The following GPHN variants were observed in gnomAD, a reference collection of about 807,000 sequenced individuals.
GPHN encodes the protein gephyrin.
In GPHN, 17 loss-of-function variants were observed where a neutral mutation model predicts 95.5. The observed-to-expected ratio is 0.18, with a 90% CI of 0.12 to 0.27. GPHN has a LOEUF of 0.27. GPHN is among the 10% of genes least tolerant of loss of function. The probability of loss-of-function intolerance (pLI) is 1.00; values close to 1 mark genes in which losing one functional copy is unlikely to be tolerated. For missense variants in GPHN, 660 were observed against 978.1 expected, an observed-to-expected ratio of 0.67 and a Z score of 4.34; for synonymous variants, 320 against 322.5, an observed-to-expected ratio of 0.99 and a Z score of 0.08.
At chr14:67,259,324 G>A in the GPHN span, among the ~76,000 whole-genome samples, 3 of 151,904 alleles carry the variant, frequency 2.0e-5, no homozygotes, top group Admixed American at 2.0e-4. Flanking sequence ...AAGTGAGTAA[G>A]GCCAGGCTGG....
At chr14:67,186,831 A>G in the GPHN span, among the ~76,000 whole-genome samples, 2 of 152,234 alleles carry the variant, frequency 1.3e-5, no homozygotes, top group African/African-American at 4.8e-5. Flanking sequence ...GCAGAGCTCC[A>G]GCAATTCAAT....
chr14:67,382,918 T>TGC, the GPHN span, among the ~76,000 whole-genome samples: 1 of 151,868 alleles, frequency 6.6e-6, no homozygotes, highest in African/African-American at 2.4e-5. Context: ...CGTGTGTGTG[T>TGC]GTGTGTGTGT....
chr14:67,066,610 G>C (rs952065992), intron 11 of GPHN, among the ~76,000 whole-genome samples: 54 of 152,044 alleles, frequency 3.6e-4, no homozygotes, highest in Non-Finnish European at 2.8e-4. Flanking sequence ...CATATTTCTT[G>C]GAGGCTTTGT....
intron 17 of GPHN, among the ~76,000 whole-genome samples, chr14:67,125,246 G>T (rs2079230732): frequency 6.6e-6 from 1 of 152,144 alleles, no homozygotes; most frequent in Non-Finnish European, 1.5e-5. Context: ...ATTTATAATT[G>T]TTCTAATGGA....
At chr14:66,509,382 C>G (rs1262100753) in intron 1 of GPHN, 3 of 152,342 alleles carry the variant, frequency 2.0e-5, no homozygotes, top group Non-Finnish European at 2.9e-5. Context: ...ACCCCCACCC[C>G]GGTAGAGCGT....
chr14:67,344,773 T>C, the GPHN span, among the ~76,000 whole-genome samples: 1 of 151,682 alleles, frequency 6.6e-6, no homozygotes, highest in African/African-American at 2.4e-5. Context: ...TCCAAGCTAC[T>C]TGGGAGGCTG....
chr14:67,139,586 G>A (rs992045623), intron 17 of GPHN, among the ~76,000 whole-genome samples: 10 of 152,166 alleles, frequency 6.6e-5, no homozygotes, highest in African/African-American at 2.2e-4. Context: ...TCTACACTTT[G>A]CCTCTCTGAA....
rs370320439 is a variant in GPHN, at chr14:67,121,736, A to C, written c.1627-520A>C. Among the ~76,000 whole-genome samples the C allele has an allele frequency of 4.6e-5, 7 of 152,326 alleles. No individual in the cohort carries two copies. In the East Asian group the frequency reaches 9.6e-4, roughly 21 times the overall value. On this transcript the variant is annotated intron_variant, in intron 16 of 22. Transcript: ENST00000478722. ...TATTACTTAAGTTTGCTAGTATCAGAGACAAAACATCTGTCTTCCTCTCCT... is the reference window on the plus strand; with the variant it reads ...TATTACTTAAGTTTGCTAGTATCAGCGACAAAACATCTGTCTTCCTCTCCT...
the GPHN span, among the ~76,000 whole-genome samples, chr14:67,582,570 G>C: frequency 2.0e-5 from 3 of 152,146 alleles, no homozygotes; most frequent in African/African-American, 7.2e-5. The surrounding 1 kb of genome is among the most constrained non-coding windows in gnomAD (Gnocchi z 5.0). Flanking sequence ...TGTAATGTCA[G>C]CACTTTGCGA....
At chr14:66,742,873 T>TG (rs1466904725) in intron 2 of GPHN, among the ~76,000 whole-genome samples, 1 of 152,220 alleles carries the variant, frequency 6.6e-6, no homozygotes, top group Non-Finnish European at 1.5e-5. Flanking sequence ...GCCATTCTCC[T>TG]GCCTCAGCCT....
the GPHN span, among the ~76,000 whole-genome samples, chr14:67,272,954 G>A: frequency 4.4e-4 from 67 of 152,208 alleles, no homozygotes; most frequent in African/African-American, 1.5e-3. Context: ...AATTACAGGC[G>A]TGAGCCACCA....
At chr14:67,034,186 T>C (rs919880493) in intron 10 of GPHN, among the ~76,000 whole-genome samples, 1 of 152,130 alleles carries the variant, frequency 6.6e-6, no homozygotes, top group African/African-American at 2.4e-5. Flanking sequence ...AATACTATAT[T>C]ACTATAATGG....
rs112005162 is a variant in GPHN at position 67,173,953 on chromosome 14, G to A, written c.2079+4917G>A. On this transcript the variant is annotated intron_variant, in intron 21 of 22. Coordinates refer to ENST00000478722, the MANE Select transcript of GPHN (RefSeq NM_020806.5). ...CTTCAATAACAGACTTTGTCAGGCC[G>A]AAGACTTTCTGAACTTGAAGATAGG... Among the ~76,000 whole-genome samples, 479 of 152,046 alleles carry A rather than the reference G, an allele frequency of 3.2e-3. 5 individuals carry two copies. Among genetic ancestry groups the A allele is most frequent in the African/African-American group, 0.011 (450 of 41,472 alleles).
chr14:67,670,677 T>C, the GPHN span, among the ~76,000 whole-genome samples: 2 of 152,156 alleles, frequency 1.3e-5, no homozygotes, highest in South Asian at 4.2e-4. Context: ...TACAGGCACA[T>C]GCCACCACAC....
chr14:67,679,014 C>A, the GPHN span, among the ~76,000 whole-genome samples: 2 of 152,004 alleles, frequency 1.3e-5, no homozygotes, highest in South Asian at 4.2e-4. Context: ...TAACAGAATA[C>A]GACAAACTGG....
chr14:67,443,030 G>A, the GPHN span, among the ~76,000 whole-genome samples: 4 of 151,942 alleles, frequency 2.6e-5, no homozygotes, highest in East Asian at 7.8e-4. Context: ...GACCAGTCTG[G>A]GCAACAATGG....
At chr14:66,806,695 A>T (rs1202595666) in intron 3 of GPHN, among the ~76,000 whole-genome samples, 1 of 152,190 alleles carries the variant, frequency 6.6e-6, no homozygotes, top group Non-Finnish European at 1.5e-5. Context: ...GCAAAAACAT[A>T]ACAAGAGTCA....
chr14:67,437,287 A>G, the GPHN span, among the ~76,000 whole-genome samples: 1 of 152,246 alleles, frequency 6.6e-6, no homozygotes, highest in Non-Finnish European at 1.5e-5. Flanking sequence ...ACAAGTGAGC[A>G]AAGTCACAAA....
intron 1 of GPHN, among the ~76,000 whole-genome samples, chr14:66,620,501 C>A (rs1026205971): frequency 6.6e-6 from 1 of 152,058 alleles, no homozygotes; most frequent in Non-Finnish European, 1.5e-5. Context: ...ACCATCAGAC[C>A]TCATGAGAAC....
Sources: gnomAD v4.1 joint callset for allele counts (sites outside exome capture counted in the v4.1 genomes callset) on GRCh38, gnomAD v4.1.1 for gene constraint, Gnocchi (gnomAD v3.1) non-coding constraint, MANE v1.5 for transcripts, NCBI Gene and HGNC (gene_info 2026-07-23, HGNC 2026-07-21) for gene names.